IRX5: variants seen among roughly 807,000 people sequenced by gnomAD.
IRX5 encodes iroquois-class homeodomain protein IRX-5.
In IRX5, 8 loss-of-function variants were observed where a neutral mutation model predicts 37.6. The ratio of observed to expected loss-of-function variants is 0.21; its 90% CI spans 0.12 to 0.38. IRX5 has a LOEUF of 0.38. IRX5 is among the 10% of genes least tolerant of loss of function. The pLI is 1.00. For missense variants in IRX5, 635 were observed against 695.2 expected, an observed-to-expected ratio of 0.91 and a Z score of 0.97; for synonymous variants, 359 against 328.6, an observed-to-expected ratio of 1.09 and a Z score of -1.00.
rs1365980507 is a variant in IRX5, at chr16:54,932,818, G to A, written c.570G>A (p.Glu190=). 6 of 1,614,062 alleles carry A rather than the reference G, an allele frequency of 3.7e-6. No individual in the cohort carries two copies. The African/African-American group carries it at 5.3e-5, about 14-fold the overall frequency. ...TPRNRSEDEE[E]EENIDLEKND... Reference sequence around the variant, plus strand: ...GGAACCGCAGCGAGGACGAGGAAGAGGAGGAGAACATTGACCTGGAGAAGA... The same window carrying A: ...GGAACCGCAGCGAGGACGAGGAAGAAGAGGAGAACATTGACCTGGAGAAGA... Residue 190 remains glutamate, a synonymous_variant, in exon 2 of 3, where the codon GAG becomes GAA. Transcript: ENST00000394636. This position sits in a 1 kb window ranked among gnomAD's most constrained non-coding sequence, Gnocchi z 6.7.
chr16:54,933,535 G>A lies in IRX5; in HGVS notation c.1114G>A (p.Gly372Arg). ...CGGGCCCATAGCCGGGCAAGCCCTA[G>A]GAGGCAGCCGGGCGTCGCCGGCCCC... ...CPGPIAGQAL[G>R]GSRASPAPAP... Residue 372 changes from glycine to arginine, a missense_variant, in exon 3 of 3, where the codon GGA becomes AGA. Gly to Arg is a moderately radical substitution (Grantham distance 125). Around this residue, in one of 5 missense-constraint regions of IRX5, gnomAD observed 188 missense variants for 200.8 expected, o/e 0.94. Transcript: ENST00000394636. The A allele has an allele frequency of 6.2e-7, 1 of 1,607,982 alleles. No homozygotes were observed. Among genetic ancestry groups the A allele is most frequent in the Non-Finnish European group, 8.5e-7 (1 of 1,177,206 alleles).
chr16:54,932,862 A>G lies in IRX5; in HGVS notation c.614A>G (p.Gln205Arg). 1 of 1,613,860 alleles carries G rather than the reference A, an allele frequency of 6.2e-7. No individual in the cohort carries two copies. The highest frequency in any genetic ancestry group is 8.5e-7 in the Non-Finnish European group (1 of 1,179,876). Reference protein sequence around the residue: ...DLEKNDEDEPQKPEDKGDPEG... With the variant: ...DLEKNDEDEPRKPEDKGDPEG... ...GAGAAGAACGACGAGGACGAGCCCC[A>G]GAAGCCCGAGGACAAGGGCGACCCC... The change falls in exon 2 of 3, where the codon CAG becomes CGG. Residue 205 changes from glutamine to arginine, a missense_variant. Physicochemically the swap from Gln to Arg is conservative, Grantham distance 43. Transcript: ENST00000394636. This position sits in a 1 kb window ranked among gnomAD's most constrained non-coding sequence, Gnocchi z 6.7.
At position 54,930,918 on chromosome 16, in the gene IRX5, A is replaced by T. The variant is rs1166628148; in HGVS notation, c.-281A>T. On this transcript the variant is annotated 5_prime_UTR_variant, in exon 1 of 3. Coordinates refer to ENST00000394636, the MANE Select transcript of IRX5 (RefSeq NM_005853.6). ...AAAAGCAGAGCCCCCCGGTGCAAAG[A>T]GCGAGGGGAAAAAAGAGAAAGCAGC... 6.7e-6 allele frequency: 1 copy of T among 149,378 alleles called. No homozygotes were observed. Among genetic ancestry groups the T allele is most frequent in the Non-Finnish European group, 1.5e-5 (1 of 68,112 alleles). 9.3% of individuals were successfully genotyped at this position (149,378 alleles called of 1,614,324 possible).
rs554378293 is a variant in IRX5, at chr16:54,931,414, GGCCGCC to G, written c.229_234del (p.Ala77_Ala78del). The stretch of plus-strand genomic sequence containing the variant: ...ACCTCCAGTACGGCGCCGACCCCGC[GGCCGCC>G]GCCGCCGCCGCCTTCTCCTCGTACG... On this transcript the variant is annotated inframe_deletion, in exon 1 of 3. Transcript: ENST00000394636. The G allele has an allele frequency of 3.8e-6, 6 of 1,591,850 alleles. No individual in the cohort carries two copies. In the African/African-American group the frequency reaches 4.0e-5, roughly 11 times the overall value.
chr16:54,931,077 G>A lies in IRX5; in HGVS notation c.-122G>A. ...CGCCGCGGGCCGGAGCCCCGGAGCC[G>A]GGGCCAGAGGAGCGGCGGCCCAGGG... On this transcript the variant is annotated 5_prime_UTR_variant, in exon 1 of 3. Transcript: ENST00000394636. 4.4e-6 allele frequency: 3 copies of A among 681,020 alleles called. No homozygotes were observed. The highest frequency in any genetic ancestry group is 6.6e-5 in the South Asian group (1 of 15,228). The allele number at this position is 681,020 out of a possible 1,614,324, so 42.2% of individuals were successfully genotyped here.
At chr16:54,931,543 C>G in intron 1 of IRX5, 96 bp downstream of exon 1, 1 of 1,397,684 alleles carries the variant, frequency 7.2e-7, no homozygotes, top group East Asian at 2.6e-5. Context: ...CAACACCGAC[C>G]TCCCCCGCCA....
At position 54,933,161 on chromosome 16, in the gene IRX5, T is replaced by C. The variant is rs1258836398; in HGVS notation, c.740T>C (p.Leu247Pro). ...TPAGKETEGS[L>P]SDSDFKEPPS... ...GCAGGCAAGGAGACGGAGGGCAGCC[T>C]CAGCGACTCGGATTTTAAGGAGCCG... Residue 247 changes from leucine to proline, a missense_variant, in exon 3 of 3, where the codon CTC becomes CCC. Leu to Pro is a moderately conservative substitution (Grantham distance 98, BLOSUM62 -3). Coordinates refer to ENST00000394636, the MANE Select transcript of IRX5 (RefSeq NM_005853.6). 1 of 1,573,424 alleles carries C rather than the reference T, an allele frequency of 6.4e-7. No individual in the cohort carries two copies. Among genetic ancestry groups the C allele is most frequent in the South Asian group, 1.1e-5 (1 of 87,664 alleles).
intron 1 of IRX5, 44 bp downstream of exon 1, chr16:54,931,491 G>A (rs1312326473): frequency 1.3e-6 from 2 of 1,493,642 alleles, no homozygotes; most frequent in East Asian, 2.5e-5. Context: ...AGCAGGGGCC[G>A]GGCGGGAGGA....
chr16:54,931,486 G>A, intron 1 of IRX5, 39 bp downstream of exon 1: 1 of 1,499,682 alleles, frequency 6.7e-7, no homozygotes, highest in Non-Finnish European at 8.8e-7. Context: ...GGGGCAGCAG[G>A]GGCCGGGCGG....
rs1266538549 is a variant in IRX5 at position 54,932,292 on chromosome 16, C to A, written c.250-206C>A. On this transcript the variant is annotated intron_variant, in intron 1 of 2. Coordinates refer to ENST00000394636, the MANE Select transcript of IRX5 (RefSeq NM_005853.6). This position sits in a 1 kb window ranked among gnomAD's most constrained non-coding sequence, Gnocchi z 6.7. The stretch of plus-strand genomic sequence containing the variant: ...TTCAGGGGCCCCAGAAGGACCTGAC[C>A]CAGAAATTGAGGTCCCCGCTGCCTT... The A allele has an allele frequency of 8.9e-6, 6 of 674,836 alleles. No individual in the cohort carries two copies. Among genetic ancestry groups the A allele is most frequent in the South Asian group, 8.3e-5 (5 of 59,950 alleles). The allele number at this position is 674,836 out of a possible 1,614,324, so 41.8% of individuals were successfully genotyped here. A position where few individuals can be genotyped will look rare whatever the true frequency, so the allele number is the denominator to read the frequency against.
Position 54,931,065 on chromosome 16 carries a change from AGCCCCGG to A in IRX5, c.-133_-127del, listed in dbSNP as rs2142351499. On this transcript the variant is annotated 5_prime_UTR_variant, in exon 1 of 3. Coordinates refer to ENST00000394636, the MANE Select transcript of IRX5 (RefSeq NM_005853.6). ...CCAGCGAGGAGGCGCCGCGGGCCGGAGCCCCGGAGCCGGGGCCAGAGGAGCGGCGGCC... is the reference window on the plus strand; with the variant it reads ...CCAGCGAGGAGGCGCCGCGGGCCGGAAGCCGGGGCCAGAGGAGCGGCGGCC... 2.0e-6 allele frequency: 1 copy of A among 509,186 alleles called. No individual in the cohort carries two copies. The highest frequency in any genetic ancestry group is 2.1e-5 in the African/African-American group (1 of 47,946). 31.5% of individuals were successfully genotyped at this position (509,186 alleles called of 1,614,324 possible). A position where few individuals can be genotyped will look rare whatever the true frequency, so the allele number is the denominator to read the frequency against.
At chr16:54,933,024 C>A in intron 2 of IRX5, 53 bp from the exon 3 acceptor site, 1 of 1,603,244 alleles carries the variant, frequency 6.2e-7, no homozygotes, top group Non-Finnish European at 8.5e-7. Context: ...GGGCGGGAAC[C>A]GGGTCCCGCC....
rs1444020823 is a variant in IRX5 at position 54,931,182 on chromosome 16, C to T, written c.-17C>T. 11 of 1,554,320 alleles carry T rather than the reference C, an allele frequency of 7.1e-6. No homozygotes were observed. The African/African-American group carries it at 1.6e-4, about 22-fold the overall frequency. The stretch of plus-strand genomic sequence containing the variant: ...TTGGCGGCCGCGGCGCGGCGCGCCC[C>T]ATGCCCGTGTGTGGCCATGTCCTAT... On this transcript the variant is annotated 5_prime_UTR_variant, in exon 1 of 3. Coordinates refer to ENST00000394636, the MANE Select transcript of IRX5 (RefSeq NM_005853.6).
rs1255588647 is a variant in IRX5 at position 54,932,662 on chromosome 16, C to T, written c.414C>T (p.Asn138=). ...LKAWLNEHRK[N]PYPTKGEKIM... is the part of the protein sequence containing the mutation. ...CCTGGCTCAACGAGCACCGCAAGAACCCCTACCCCACCAAGGGCGAGAAGA... is the reference window on the plus strand; with the variant it reads ...CCTGGCTCAACGAGCACCGCAAGAATCCCTACCCCACCAAGGGCGAGAAGA... Residue 138 remains asparagine (N), a synonymous_variant, in exon 2 of 3, where the codon AAC becomes AAT. Coordinates refer to ENST00000394636, the MANE Select transcript of IRX5 (RefSeq NM_005853.6). This position sits in a 1 kb window ranked among gnomAD's most constrained non-coding sequence, Gnocchi z 6.7. 6.2e-7 allele frequency: 1 copy of T among 1,613,938 alleles called. No individual in the cohort carries two copies. Among genetic ancestry groups the T allele is most frequent in the Non-Finnish European group, 8.5e-7 (1 of 1,180,040 alleles).
Position 54,933,719 on chromosome 16 carries a change from C to G in IRX5, c.1298C>G (p.Thr433Ser), listed in dbSNP as rs1467558507. 6.2e-7 allele frequency: 1 copy of G among 1,613,976 alleles called. No homozygotes were observed. The highest frequency in any genetic ancestry group is 1.1e-5 in the South Asian group (1 of 91,084). The change falls in exon 3 of 3, where the codon ACC becomes AGC. Residue 433 changes from threonine to serine, a missense_variant. Around this residue, in one of 5 missense-constraint regions of IRX5, gnomAD observed 188 missense variants for 200.8 expected, o/e 0.94. Transcript: ENST00000394636. ...CCGGGGCCCGGGCCAGGCCCCACAACCGGTCCGGGGTCTCATTTCAATGGA... is the reference window on the plus strand; with the variant it reads ...CCGGGGCCCGGGCCAGGCCCCACAAGCGGTCCGGGGTCTCATTTCAATGGA... Reference protein sequence around the residue: ...GHPGPGPGPTTGPGSHFNGLN... With the variant: ...GHPGPGPGPTSGPGSHFNGLN...
In IRX5 at chr16:54,933,137, C is replaced by T. The variant is rs199865474; in HGVS notation, c.716C>T (p.Ala239Val). 13 of 1,585,234 alleles carry T rather than the reference C, an allele frequency of 8.2e-6. No homozygotes were observed. Among genetic ancestry groups the T allele is most frequent in the Non-Finnish European group, 1.0e-5 (12 of 1,172,654 alleles). ...CERLQGPPTP[A>V]GKETEGSLSD... ...CGGCTTCAGGGACCACCCACCCCTG[C>T]AGGCAAGGAGACGGAGGGCAGCCTC... Residue 239 changes from alanine to valine, a missense_variant, in exon 3 of 3, where the codon GCA (alanine) becomes GTA (valine). This residue lies in a region of IRX5 where 244 missense variants were observed against 205.4 expected (regional missense o/e 1.19). Coordinates refer to ENST00000394636, the MANE Select transcript of IRX5 (RefSeq NM_005853.6).
At chr16:54,931,536 C>A (rs1285706723) in intron 1 of IRX5, 89 bp downstream of exon 1, 1 of 1,407,308 alleles carries the variant, frequency 7.1e-7, no homozygotes, top group African/African-American at 1.5e-5. Flanking sequence ...TAGGCGCCAA[C>A]ACCGACCTCC....
Position 54,932,787 on chromosome 16 carries a change from C to A in IRX5, c.539C>A (p.Thr180Lys). ...AAGAAAGAGAATAAAATGACGTGGA[C>A]GCCGCGGAACCGCAGCGAGGACGAG... ...RLKKENKMTW[T>K]PRNRSEDEEE... is the part of the protein sequence containing the mutation. Residue 180 changes from threonine to lysine, a missense_variant, in exon 2 of 3, where the codon ACG becomes AAG. This residue lies in a region of IRX5 where 55 missense variants were observed against 120.5 expected (regional missense o/e 0.46). Transcript: ENST00000394636. This position sits in a 1 kb window ranked among gnomAD's most constrained non-coding sequence, Gnocchi z 6.7. 1 of 1,614,080 alleles carries A rather than the reference C, an allele frequency of 6.2e-7. No homozygotes were observed. The highest frequency in any genetic ancestry group is 8.5e-7 in the Non-Finnish European group (1 of 1,180,022).
Position 54,932,107 on chromosome 16 carries a change from C to G in IRX5, c.250-391C>G, listed in dbSNP as rs747780688. ...ACTTCCCTTGTTTTCCCCCCTTGCG[C>G]CCAACGTGCGTCCGCTCCCCCGCCG... is the stretch of plus-strand genomic sequence containing the variant. On this transcript the variant is annotated intron_variant, in intron 1 of 2. Transcript: ENST00000394636. The surrounding 1 kb of genome is among the most constrained non-coding windows in gnomAD (Gnocchi z 6.7). The G allele has an allele frequency of 2.9e-4, 207 of 702,724 alleles. 2 individuals are homozygous for G. The highest frequency in any genetic ancestry group is 6.8e-5 in the Non-Finnish European group (26 of 384,984). 43.5% of individuals were successfully genotyped at this position (702,724 alleles called of 1,614,324 possible). A position where few individuals can be genotyped will look rare whatever the true frequency, so the allele number is the denominator to read the frequency against.
Sources: allele counts gnomAD v4.1 joint callset, GRCh38; gene constraint gnomAD v4.1.1; regional missense constraint gnomAD v4.1.1; non-coding constraint Gnocchi (gnomAD v3.1); transcripts MANE v1.5; gene names NCBI Gene and HGNC (gene_info 2026-07-23, HGNC 2026-07-21).